The following ANKS1A variants were observed in gnomAD, a reference collection of about 807,000 sequenced individuals.
ANKS1A encodes the protein ankyrin repeat and SAM domain-containing protein 1A.
In ANKS1A, 55 loss-of-function variants were observed where a neutral mutation model predicts 120.3. That is an observed-to-expected ratio of 0.46 (90% CI 0.37 to 0.57). ANKS1A has a LOEUF of 0.57. Among genes scored for constraint, ANKS1A ranks in the 20% least tolerant of loss-of-function variants. ANKS1A has a pLI of 0.00. For synonymous variants in ANKS1A, 590 were observed against 604.7 expected, an observed-to-expected ratio of 0.98 and a Z score of 0.36; for missense variants, 1,123 against 1,480.3, an observed-to-expected ratio of 0.76 and a Z score of 3.96.
intron 1 of ANKS1A, among the ~76,000 whole-genome samples, chr6:34,963,343 T>C (rs1222962685): frequency 6.6e-6 from 1 of 152,244 alleles, no homozygotes; most frequent in Admixed American, 6.5e-5. Context: ...TCAGCATTTT[T>C]AGATTCCATA....
At chr6:34,975,615 A>G (rs1771532545) in intron 3 of ANKS1A, among the ~76,000 whole-genome samples, 1 of 152,056 alleles carries the variant, frequency 6.6e-6, no homozygotes, top group African/African-American at 2.4e-5. Context: ...AAAATTAGCC[A>G]GGCATAGTGG....
At chr6:35,039,548 A>G (rs1174928202) in intron 11 of ANKS1A, 2 of 456,566 alleles carry the variant, frequency 4.4e-6, no homozygotes, top group Non-Finnish European at 8.8e-6. Context: ...TGACAGCTTT[A>G]TAACATTTCT....
chr6:34,952,102 A>G (rs914127477), intron 1 of ANKS1A, among the ~76,000 whole-genome samples: 6 of 152,140 alleles, frequency 3.9e-5, no homozygotes, highest in Admixed American at 6.6e-5. Context: ...GTTAAACCCA[A>G]TGTCACCCTT....
At position 35,082,217 on chromosome 6, in the gene ANKS1A, A is replaced by G. The variant is rs1460503689; in HGVS notation, c.2710-474A>G. ...CCCCTAGCTGCTGCCAGAAGGATCC[A>G]TTTGGAATGCATTCCTAGGCACGGG... is the stretch of plus-strand genomic sequence containing the variant. On this transcript the variant is annotated intron_variant, in intron 17 of 23. Transcript: ENST00000360359. The surrounding 1 kb of genome is among the most constrained non-coding windows in gnomAD (Gnocchi z 4.1). Among the ~76,000 whole-genome samples, 8 of 151,486 alleles carry G rather than the reference A, an allele frequency of 5.3e-5. No individual in the cohort carries two copies.
At chr6:34,911,970 A>G (rs1294061557) in intron 1 of ANKS1A, among the ~76,000 whole-genome samples, 3 of 152,212 alleles carry the variant, frequency 2.0e-5, no homozygotes, top group Non-Finnish European at 4.4e-5. Flanking sequence ...GGTTGTGTTC[A>G]GGAACCATTA....
chr6:34,969,817 GT>G (rs1416783655), intron 2 of ANKS1A, among the ~76,000 whole-genome samples, 192 bp from the exon 3 acceptor site: 1 of 152,192 alleles, frequency 6.6e-6, no homozygotes, highest in African/African-American at 2.4e-5. Context: ...GCTCAAGGTG[GT>G]TCTGCTGCAT....
chr6:35,088,553 C>T (rs576060691), intron 23 of ANKS1A, 53 bp from the exon 24 acceptor site: 161 of 1,607,128 alleles, frequency 1.0e-4, no homozygotes, highest in Admixed American at 1.3e-4. Flanking sequence ...CTCCACCGTC[C>T]GCAGGCCCCA....
At position 35,091,051 on chromosome 6, in the gene ANKS1A, C is replaced by T; in HGVS notation, c.*2442C>T. The T allele has an allele frequency of 1.0e-6, 1 of 985,924 alleles. No individual in the cohort carries two copies. Among genetic ancestry groups the T allele is most frequent in the African/African-American group, 1.7e-5 (1 of 57,370 alleles). 61.1% of individuals were successfully genotyped at this position (985,924 alleles called of 1,614,324 possible). The stretch of plus-strand genomic sequence containing the variant: ...ATTAGAAAACCAGTCTGAATTGGGT[C>T]TGTCTTTGAGATGCCCAGGCCAGCA... On this transcript the variant is annotated 3_prime_UTR_variant, in exon 24 of 24. Coordinates refer to ENST00000360359, the MANE Select transcript of ANKS1A (RefSeq NM_015245.3).
chr6:34,899,141 C>T (rs1003212235), intron 1 of ANKS1A, among the ~76,000 whole-genome samples: 4 of 152,192 alleles, frequency 2.6e-5, no homozygotes, highest in South Asian at 2.1e-4. Context: ...AGGCCCCTTA[C>T]ATCTCCTGGG....
At position 34,982,610 on chromosome 6, in the gene ANKS1A, A is replaced by G; in HGVS notation, c.733-142A>G. On this transcript the variant is annotated intron_variant, in intron 4 of 23. Coordinates refer to ENST00000360359, the MANE Select transcript of ANKS1A (RefSeq NM_015245.3). The surrounding 1 kb of genome is among the most constrained non-coding windows in gnomAD (Gnocchi z 4.9). ...ATCGTGGTTTTGGAATCCACACAAG[A>G]AAAGCTGGAAAGATAATGACAGAGG... The G allele has an allele frequency of 3.4e-6, 3 of 877,458 alleles. No individual in the cohort carries two copies. Among genetic ancestry groups the G allele is most frequent in the Non-Finnish European group, 3.6e-6 (2 of 555,310 alleles). The allele number at this position is 877,458 out of a possible 1,614,324, so 54.4% of individuals were successfully genotyped here.
intron 1 of ANKS1A, among the ~76,000 whole-genome samples, chr6:34,952,560 A>T (rs984617028): frequency 1.3e-5 from 2 of 152,198 alleles, no homozygotes; most frequent in African/African-American, 4.8e-5. Flanking sequence ...AGACAAATAC[A>T]CACTCACTCA....
At position 35,086,169 on chromosome 6, in the gene ANKS1A, C is replaced by G; in HGVS notation, c.3303+233C>G. The G allele has an allele frequency of 8.0e-7, 1 of 1,251,800 alleles. No individual in the cohort carries two copies. The highest frequency in any genetic ancestry group is 1.1e-6 in the Non-Finnish European group (1 of 916,500). 77.5% of individuals were successfully genotyped at this position (1,251,800 alleles called of 1,614,324 possible). ...TGTTTCCCTCCCTCGCTGGGCTCCC[C>G]CAAGGGCAAGGCCGTCAAGGGGCTG... is the stretch of plus-strand genomic sequence containing the variant. On this transcript the variant is annotated intron_variant, in intron 22 of 23. Coordinates refer to ENST00000360359, the MANE Select transcript of ANKS1A (RefSeq NM_015245.3). The surrounding 1 kb of genome is among the most constrained non-coding windows in gnomAD (Gnocchi z 5.1).
Position 35,089,991 on chromosome 6 carries a change from C to T in ANKS1A, c.*1382C>T, listed in dbSNP as rs1581772493. The T allele has an allele frequency of 8.4e-7, 1 of 1,192,028 alleles. No individual in the cohort carries two copies. Among genetic ancestry groups the T allele is most frequent in the South Asian group, 1.6e-5 (1 of 64,426 alleles). The allele number at this position is 1,192,028 out of a possible 1,614,324, so 73.8% of individuals were successfully genotyped here. On this transcript the variant is annotated 3_prime_UTR_variant, in exon 24 of 24. Coordinates refer to ENST00000360359, the MANE Select transcript of ANKS1A (RefSeq NM_015245.3). ...TGAATTCTTTGTTGGTATGTATGTG[C>T]AGGGAGTACTGTTAGGCACATTCTT...
intron 13 of ANKS1A, among the ~76,000 whole-genome samples, chr6:35,073,053 T>C (rs539055095): frequency 2.0e-3 from 309 of 152,336 alleles, no homozygotes; most frequent in African/African-American, 6.9e-3. Flanking sequence ...TTCTGTGTAA[T>C]GTGAGCAGCT....
chr6:34,961,142 G>A (rs1273465803), intron 1 of ANKS1A, among the ~76,000 whole-genome samples: 1 of 152,168 alleles, frequency 6.6e-6, no homozygotes, highest in Non-Finnish European at 1.5e-5. Flanking sequence ...TGTGTTTAAG[G>A]TTGTTTTCTC....
rs1416556785 is a variant in ANKS1A, at chr6:35,079,546, C to A, written c.2314C>A (p.Pro772Thr). Residue 772 changes from proline to threonine, a missense_variant, in exon 15 of 24, where the codon CCC (proline) becomes ACC (threonine). Transcript: ENST00000360359. ...VKALGYDGNS[P>T]PSVPSWLDSL... ...GGCTCTGGGTTATGACGGGAACAGC[C>A]CCCCTAGCGTGCCCTCCTGGCTGGA... The A allele has an allele frequency of 6.2e-6, 10 of 1,613,750 alleles. No homozygotes were observed. Among genetic ancestry groups the A allele is most frequent in the South Asian group, 4.4e-5 (4 of 91,078 alleles).
At chr6:35,059,022 C>G (rs906988762) in intron 12 of ANKS1A, among the ~76,000 whole-genome samples, 1 of 152,256 alleles carries the variant, frequency 6.6e-6, no homozygotes, top group Non-Finnish European at 1.5e-5. Flanking sequence ...ACTTAAGCCG[C>G]CACAGCTCAG....
chr6:34,924,341 T>G (rs1318412041), intron 1 of ANKS1A, among the ~76,000 whole-genome samples: 1 of 152,148 alleles, frequency 6.6e-6, no homozygotes, highest in African/African-American at 2.4e-5. Flanking sequence ...CATAAAAAAG[T>G]TGAAGATTTG....
chr6:34,961,053 T>C (rs1358500528), intron 1 of ANKS1A, among the ~76,000 whole-genome samples: 1 of 152,238 alleles, frequency 6.6e-6, no homozygotes, highest in Non-Finnish European at 1.5e-5. Context: ...GTCTGAGCAT[T>C]TGTCTTGCAA....
Sources: allele counts gnomAD v4.1 joint callset (sites outside exome capture counted in the v4.1 genomes callset), GRCh38; gene constraint gnomAD v4.1.1; non-coding constraint Gnocchi (gnomAD v3.1); transcripts MANE v1.5; gene names NCBI Gene and HGNC (gene_info 2026-07-23, HGNC 2026-07-21).